Variants in ASTN1 observed in about 807,000 individuals in gnomAD.
ASTN1 encodes the protein astrotactin 1, also known as astrotactin-1.
ASTN1 carries 41 observed loss-of-function variants against 140.7 expected under a neutral mutation model. The ratio of observed to expected loss-of-function variants is 0.29; its 90% CI spans 0.23 to 0.38. The LOEUF (loss-of-function observed/expected upper bound fraction) is 0.38, where lower values mean the gene tolerates loss of function less well. Ranked by LOEUF, ASTN1 falls within the 10% of genes least tolerant of loss-of-function variation. ASTN1 has a pLI of 1.00. For synonymous variants in ASTN1, 640 were observed against 652.2 expected, an observed-to-expected ratio of 0.98 and a Z score of 0.29; for missense variants, 1,479 against 1,678.8, an observed-to-expected ratio of 0.88 and a Z score of 2.08.
At chr1:177,149,471 G>C (rs1278632752) in intron 1 of ASTN1, among the ~76,000 whole-genome samples, 5 of 46,924 alleles carry the variant, frequency 1.1e-4, no homozygotes, top group African/African-American at 4.2e-4. Flanking sequence ...TATATATATA[G>C]TATATATATA....
intron 14 of ASTN1, 116 bp from the exon 15 acceptor site, chr1:176,936,486 G>T: frequency 1.3e-6 from 1 of 763,736 alleles, no homozygotes; most frequent in South Asian, 1.8e-5. Flanking sequence ...ATGATTAAAT[G>T]TTCTTTGATG....
intron 8 of ASTN1, among the ~76,000 whole-genome samples, chr1:176,987,257 T>A (rs12049361): frequency 6.6e-6 from 1 of 152,340 alleles, no homozygotes; most frequent in East Asian, 1.9e-4. Context: ...AAACAGTCTC[T>A]GTTGCAACTA....
chr1:177,025,077 C>T (rs559500385), intron 5 of ASTN1, among the ~76,000 whole-genome samples: 11 of 152,254 alleles, frequency 7.2e-5, no homozygotes, highest in South Asian at 2.1e-4. Flanking sequence ...CAAGGGTGGG[C>T]GGGATGCTTT....
chr1:177,098,615 C>T (rs1293720882), intron 1 of ASTN1, among the ~76,000 whole-genome samples: 1 of 151,822 alleles, frequency 6.6e-6, no homozygotes, highest in East Asian at 1.9e-4. Flanking sequence ...CAAGGAGAAA[C>T]ACTAAGCATA....
chr1:177,063,344 G>C (rs1172996542), intron 1 of ASTN1, among the ~76,000 whole-genome samples: 1 of 152,140 alleles, frequency 6.6e-6, no homozygotes, highest in Non-Finnish European at 1.5e-5. Flanking sequence ...AGAGGACTCA[G>C]TCATCCCATT....
intron 1 of ASTN1, among the ~76,000 whole-genome samples, chr1:177,070,221 T>G (rs1435180084): frequency 6.6e-6 from 1 of 152,194 alleles, no homozygotes; most frequent in Non-Finnish European, 1.5e-5. Context: ...GCCGGAATTT[T>G]GGAAAAAGTC....
chr1:177,013,312 C>T (rs1355385744), intron 8 of ASTN1, among the ~76,000 whole-genome samples: 2 of 152,162 alleles, frequency 1.3e-5, no homozygotes, highest in African/African-American at 4.8e-5. Context: ...TTCCTTTCCC[C>T]AACTGCATTT....
intron 16 of ASTN1, among the ~76,000 whole-genome samples, chr1:176,903,844 C>T (rs1669871122): frequency 6.6e-6 from 1 of 152,162 alleles, no homozygotes; most frequent in Non-Finnish European, 1.5e-5. Flanking sequence ...GGCCATGCCC[C>T]CTTTGAAAAC....
intron 20 of ASTN1, among the ~76,000 whole-genome samples, chr1:176,877,432 A>T (rs747356107): frequency 1.2e-4 from 18 of 152,174 alleles, no homozygotes; most frequent in Admixed American, 2.6e-4. Context: ...TTCCTCTGAG[A>T]TACTGCCCAC....
At chr1:176,930,028 G>A (rs80216385) in intron 16 of ASTN1, among the ~76,000 whole-genome samples, 8,417 of 152,198 alleles carry the variant, frequency 0.055, 745 homozygotes, top group African/African-American at 0.19. Flanking sequence ...AAGGATAACA[G>A]ATGGTGAGTT....
rs778838558 is a variant in ASTN1, at chr1:177,061,117, C to A, written c.432G>T (p.Ser144=). Residue 144 remains serine (S), a synonymous_variant, in exon 2 of 23, where the codon TCG becomes TCT. Coordinates refer to ENST00000361833, the MANE Select transcript of ASTN1 (RefSeq NM_004319.3). The part of the protein sequence containing the change: ...QDPTEEPQHE[S]AEEELRILHI... ...GGAGGATCCTCAGCTCCTCTTCTGC[C>A]GACTCATGTTGGGGTTCTTCAGTGG... 2 of 1,610,672 alleles carry A rather than the reference C, an allele frequency of 1.2e-6. No homozygotes were observed. The highest frequency in any genetic ancestry group is 2.2e-5 in the South Asian group (2 of 90,338).
intron 16 of ASTN1, among the ~76,000 whole-genome samples, chr1:176,897,657 G>C (rs1308807321): frequency 3.3e-5 from 5 of 152,154 alleles, no homozygotes; most frequent in African/African-American, 1.2e-4. Flanking sequence ...AAATGTTGTG[G>C]AGGTACAATT....
rs754478022 is a variant in ASTN1 at position 176,864,436 on chromosome 1, G to T, written c.3733C>A (p.Arg1245Ser). ...CACCCCAGGTACTTGAGTGAGCTGC[G>T]CCGCAAGCTTATCTTGGGTTCCTGA... is the stretch of plus-strand genomic sequence containing the variant. ...LLQEPKISLR[R>S]SSLKYLGCRY... The change falls in exon 23 of 23, where the codon CGC (arginine) becomes AGC (serine). Residue 1245 changes from arginine (R) to serine (S), a missense_variant. By Grantham distance (110) the Arg-to-Ser change is moderately radical. Coordinates refer to ENST00000361833, the MANE Select transcript of ASTN1 (RefSeq NM_004319.3). The T allele has an allele frequency of 6.2e-7, 1 of 1,614,086 alleles. No homozygotes were observed.
chr1:177,124,942 T>C (rs541989895), intron 1 of ASTN1, among the ~76,000 whole-genome samples: 1 of 152,332 alleles, frequency 6.6e-6, no homozygotes, highest in East Asian at 1.9e-4. Flanking sequence ...CGCCAACCCA[T>C]CACTTGGCAA....
intron 1 of ASTN1, among the ~76,000 whole-genome samples, chr1:177,113,912 T>C (rs1044774046): frequency 3.3e-5 from 5 of 152,182 alleles, no homozygotes; most frequent in African/African-American, 1.2e-4. Context: ...GGGAGTAAAC[T>C]TGATATACTA....
chr1:176,907,977 C>T (rs1317461463), intron 16 of ASTN1, among the ~76,000 whole-genome samples: 1 of 152,078 alleles, frequency 6.6e-6, no homozygotes, highest in Non-Finnish European at 1.5e-5. Flanking sequence ...CTGCGTGGTC[C>T]CTTTACAGGC....
At chr1:176,917,583 T>C (rs1670542693) in intron 16 of ASTN1, among the ~76,000 whole-genome samples, 1 of 151,984 alleles carries the variant, frequency 6.6e-6, no homozygotes, top group African/African-American at 2.4e-5. Context: ...ATGCATTGCT[T>C]TGGGAGGGAA....
chr1:177,087,524 C>T (rs1679534558), intron 1 of ASTN1, among the ~76,000 whole-genome samples: 1 of 152,146 alleles, frequency 6.6e-6, no homozygotes, highest in Non-Finnish European at 1.5e-5. Flanking sequence ...ACCATGGCCT[C>T]CTTTACAACC....
chr1:177,151,603 T>A (rs1041632044), intron 1 of ASTN1, among the ~76,000 whole-genome samples: 4 of 151,968 alleles, frequency 2.6e-5, no homozygotes, highest in African/African-American at 9.7e-5. Flanking sequence ...TGGAGTAGGG[T>A]CTTTCCAAGC....
Sources: gnomAD v4.1 joint callset for allele counts (sites outside exome capture counted in the v4.1 genomes callset) on GRCh38, gnomAD v4.1.1 for gene constraint, MANE v1.5 for transcripts, NCBI Gene and HGNC (gene_info 2026-07-23, HGNC 2026-07-21) for gene names.